RNF151: variants seen among roughly 807,000 people sequenced by gnomAD.
RNF151 encodes ring finger protein 151.
RNF151 carries 9 observed loss-of-function variants against 11.1 expected under a neutral mutation model. That is an observed-to-expected ratio of 0.81 (90% CI 0.49 to 1.42). The LOEUF is 1.42. Ranked by LOEUF, RNF151 falls within the 40% of genes most tolerant of loss-of-function variation. The pLI is 0.00. For missense variants in RNF151, 372 were observed against 342.9 expected, an observed-to-expected ratio of 1.08 and a Z score of -0.67; for synonymous variants, 172 against 140.7, an observed-to-expected ratio of 1.22 and a Z score of -1.58.
At chr16:1,967,519 A>G (rs1472007433) in intron 2 of RNF151, 100 bp downstream of exon 2, 12 of 1,178,240 alleles carry the variant, frequency 1.0e-5, no homozygotes, top group Non-Finnish European at 1.2e-6. Context: ...AGACTCAGCC[A>G]CCAAATCTCC....
At chr16:1,967,964 G>A in intron 3 of RNF151, 143 bp downstream of exon 3, 1 of 729,400 alleles carries the variant, frequency 1.4e-6, no homozygotes, top group Non-Finnish European at 2.5e-6. Flanking sequence ...AGCTGAGTTT[G>A]GATCGTGGCT....
intron 1 of RNF151, 125 bp downstream of exon 1, chr16:1,967,009 T>C: frequency 8.4e-7 from 1 of 1,196,998 alleles, no homozygotes; most frequent in South Asian, 1.5e-5. Flanking sequence ...CAGACCCCCA[T>C]ATGGTACAAG....
intron 1 of RNF151, 32 bp from the exon 2 acceptor site, chr16:1,967,242 C>G: frequency 3.1e-6 from 5 of 1,602,642 alleles, no homozygotes; most frequent in Non-Finnish European, 4.3e-6. Flanking sequence ...GGATCACTGT[C>G]CCAGCCAGGT....
chr16:1,966,945 C>A, intron 1 of RNF151, 61 bp downstream of exon 1: 2 of 1,518,566 alleles, frequency 1.3e-6, no homozygotes, highest in East Asian at 2.3e-5. Context: ...AGAAACCTGC[C>A]CAGTTGTCCA....
intron 2 of RNF151, 111 bp downstream of exon 2, chr16:1,967,530 C>T: frequency 9.0e-7 from 1 of 1,116,726 alleles, no homozygotes; most frequent in Non-Finnish European, 1.3e-6. Flanking sequence ...CCAAATCTCC[C>T]TAAACTAAAA....
intron 2 of RNF151, 42 bp downstream of exon 2, chr16:1,967,461 A>G (rs753477143): frequency 1.3e-6 from 2 of 1,564,178 alleles, no homozygotes; most frequent in South Asian, 1.1e-5. Context: ...CAGGAGTGAG[A>G]CTGGGGGCCA....
At chr16:1,966,983 G>A (rs1214848671) in intron 1 of RNF151, 99 bp downstream of exon 1, 9 of 1,372,996 alleles carry the variant, frequency 6.6e-6, no homozygotes, top group Non-Finnish European at 8.0e-6. Context: ...ACTCGGAAAG[G>A]GTGGGCAATG....
In RNF151 at chr16:1,967,301, G is replaced by A. The variant is rs1397082944; in HGVS notation, c.31G>A (p.Ala11Thr). 4.3e-6 allele frequency: 7 copies of A among 1,613,390 alleles called. No homozygotes were observed. Among genetic ancestry groups the A allele is most frequent in the South Asian group, 2.2e-5 (2 of 91,080 alleles). Residue 11 changes from alanine to threonine, a missense_variant, in exon 2 of 4, where the codon GCC (alanine) becomes ACC (threonine). Transcript: ENST00000569714. ...TGGCGGGTATGATCTCAACCTCTTC[G>A]CCAGCCCTCCTGACAGCAACTTCGT... MGGGYDLNLFASPPDSNFVCS... is the reference protein window; with the variant it reads MGGGYDLNLFTSPPDSNFVCS...
chr16:1,967,067 C>A (rs1170844471), intron 1 of RNF151, among the ~76,000 whole-genome samples, 183 bp downstream of exon 1: 1 of 152,170 alleles, frequency 6.6e-6, no homozygotes, highest in Non-Finnish European at 1.5e-5. Context: ...GGCTAAGGCC[C>A]CCGTCTCCAG....
rs756608536 is a variant in RNF151, at chr16:1,968,555, C to T, written c.368C>T (p.Pro123Leu). 1.6e-4 allele frequency: 252 copies of T among 1,608,190 alleles called. No individual in the cohort carries two copies. Among genetic ancestry groups the T allele is most frequent in the Non-Finnish European group, 2.0e-4 (238 of 1,178,066 alleles). Residue 123 changes from proline to leucine, a missense_variant, in exon 4 of 4, where the codon CCG becomes CTG. Pro to Leu is a moderately conservative substitution (Grantham distance 98). Transcript: ENST00000569714. ...AACGAGGGCTGCACCTCGCAGGTGC[C>T]GCGTGGGACCCTGGCAGAGCACCGG... Reference protein sequence around the residue: ...CPNEGCTSQVPRGTLAEHRQH... With the variant: ...CPNEGCTSQVLRGTLAEHRQH...
In RNF151 at chr16:1,968,824, C is replaced by T; in HGVS notation, c.637C>T (p.Leu213=). The T allele has an allele frequency of 6.3e-7, 1 of 1,593,518 alleles. No individual in the cohort carries two copies. Among genetic ancestry groups the T allele is most frequent in the South Asian group, 1.1e-5 (1 of 87,710 alleles). Residue 213 remains leucine, a synonymous_variant, in exon 4 of 4, where the codon CTG becomes TTG. Coordinates refer to ENST00000569714, the MANE Select transcript of RNF151 (RefSeq NM_174903.6). ...LSNFLEEDTA[L]LEGAPQEEAE... ...CAACTTCCTGGAGGAAGACACCGCT[C>T]TGCTGGAGGGTGCCCCACAGGAGGA... is the stretch of plus-strand genomic sequence containing the variant.
rs1042936842 is a variant in RNF151 at position 1,968,710 on chromosome 16, C to T, written c.523C>T (p.Arg175Cys). Reference protein sequence around the residue: ...HNAWSVRQERRRPLLLSLLRR... With the variant: ...HNAWSVRQERCRPLLLSLLRR... ...CGCCTGGAGCGTGCGCCAGGAGCGC[C>T]GTCGGCCCCTGCTGCTGTCCCTCCT... The change falls in exon 4 of 4, where the codon CGT (arginine) becomes TGT (cysteine). Residue 175 changes from arginine (R) to cysteine (C), a missense_variant. Transcript: ENST00000569714. 3.2e-6 allele frequency: 5 copies of T among 1,566,332 alleles called. No individual in the cohort carries two copies. Among genetic ancestry groups the T allele is most frequent in the Non-Finnish European group, 3.5e-6 (4 of 1,156,382 alleles).
In RNF151 at chr16:1,967,821, G is replaced by T. The variant is rs2083325118; in HGVS notation, c.246G>T (p.Lys82Asn). 2 of 1,603,498 alleles carry T rather than the reference G, an allele frequency of 1.2e-6. No homozygotes were observed. Among genetic ancestry groups the T allele is most frequent in the South Asian group, 1.1e-5 (1 of 88,988 alleles). ...AAACCATTGGCCGCCTGGAAGTCAAGGTAGCTCAAAGTACCCACTCCCCTG... is the reference window on the plus strand; with the variant it reads ...AAACCATTGGCCGCCTGGAAGTCAATGTAGCTCAAAGTACCCACTCCCCTG... ...LRKTIGRLEV[K>N]CKNADAGCIV... The change falls in exon 3 of 4, where the codon AAG (lysine) becomes AAT (asparagine). Residue 82 changes from lysine to asparagine, a missense_variant and splice_region_variant. By Grantham distance (94) the Lys-to-Asn change is moderately conservative. Coordinates refer to ENST00000569714, the MANE Select transcript of RNF151 (RefSeq NM_174903.6).
intron 2 of RNF151, 35 bp downstream of exon 2, chr16:1,967,454 G>C: frequency 6.3e-7 from 1 of 1,585,570 alleles, no homozygotes; most frequent in Non-Finnish European, 8.6e-7. Flanking sequence ...GGGAGGGCAG[G>C]AGTGAGACTG....
intron 3 of RNF151, chr16:1,968,135 GTTTT>G (rs2083327729): frequency 9.5e-6 from 6 of 633,266 alleles, no homozygotes; most frequent in Non-Finnish European, 1.7e-5. Context: ...TAGTCCCCTA[GTTTT>G]ACAGATGGGT....
chr16:1,967,673 C>T lies in RNF151; in HGVS notation c.150-52C>T. The T allele has an allele frequency of 2.8e-6, 4 of 1,440,034 alleles. No individual in the cohort carries two copies. The South Asian group carries it at 4.8e-5, about 17-fold the overall frequency. The allele number at this position is 1,440,034 out of a possible 1,614,324, so 89.2% of individuals were successfully genotyped here. On this transcript the variant is annotated intron_variant, in intron 2 of 3. Coordinates refer to ENST00000569714, the MANE Select transcript of RNF151 (RefSeq NM_174903.6). ...CTGGGTCACCGAGTGAGGGCTTGAC[C>T]AGGGCTCCCTTCCCACTCCCAACAC... is the stretch of plus-strand genomic sequence containing the variant.
chr16:1,967,122 C>A, intron 1 of RNF151, 152 bp from the exon 2 acceptor site: 1 of 574,646 alleles, frequency 1.7e-6, no homozygotes, highest in Non-Finnish European at 2.2e-6. Context: ...ACCCCCACAG[C>A]TGCCCCCTCA....
chr16:1,968,736 G>GCGGC lies in RNF151; in HGVS notation c.550_553dup (p.Arg185ProfsTer15). ...GTCGGCCCCTGCTGCTGTCCCTCCT[G>GCGGC]CGGCGTGTGCGCTGGCTGGACCAAG... On this transcript the variant is annotated frameshift_variant, in exon 4 of 4. Coordinates refer to ENST00000569714, the MANE Select transcript of RNF151 (RefSeq NM_174903.6). LOFTEE classifies it low-confidence loss of function (END_TRUNC). 1 of 1,571,734 alleles carries GCGGC rather than the reference G, an allele frequency of 6.4e-7. No individual in the cohort carries two copies.
At chr16:1,966,925 G>A (rs1174372900) in intron 1 of RNF151, 41 bp downstream of exon 1, 1 of 1,551,750 alleles carries the variant, frequency 6.4e-7, no homozygotes, top group East Asian at 2.3e-5. Flanking sequence ...TGAGATGTGT[G>A]CCCAACTCCA....
Sources: allele counts gnomAD v4.1 joint callset (sites outside exome capture counted in the v4.1 genomes callset), GRCh38; gene constraint gnomAD v4.1.1; transcripts MANE v1.5; gene names NCBI Gene and HGNC (gene_info 2026-07-23, HGNC 2026-07-21).